CCSER2: variants seen among roughly 807,000 people sequenced by gnomAD.
CCSER2 encodes coiled-coil serine rich protein 2, also known as serine-rich coiled-coil domain-containing protein 2.
In CCSER2, 46 loss-of-function variants were observed where a neutral mutation model predicts 92.3. That is an observed-to-expected ratio of 0.50 (90% CI 0.39 to 0.64). CCSER2 has a LOEUF of 0.64. CCSER2 is among the 30% of genes least tolerant of loss of function. The pLI is 0.00. For synonymous variants in CCSER2, 433 were observed against 431.4 expected, an observed-to-expected ratio of 1.00 and a Z score of -0.04; for missense variants, 1,244 against 1,238.9, an observed-to-expected ratio of 1.00 and a Z score of -0.06.
chr10:84,335,504 A>G lies in CCSER2; in HGVS notation c.-40+6696A>G, dbSNP rs950484886. On this transcript the variant is annotated intron_variant, in intron 1 of 9. Coordinates refer to ENST00000372088, the MANE Select transcript of CCSER2 (RefSeq NM_001284240.2). ...AATGACCCTCCTGCTTTTACCTCCC[A>G]AAGTGCTGGGATTACAGGTGTGAGC... Among the ~76,000 whole-genome samples, 11 of 152,018 alleles carry G rather than the reference A, an allele frequency of 7.2e-5. No homozygotes were observed. The South Asian group carries it at 1.2e-3, about 17-fold the overall frequency.
In CCSER2 at chr10:84,499,707, T is replaced by A. The variant is rs926197891; in HGVS notation, c.2326-13742T>A. Among the ~76,000 whole-genome samples the A allele has an allele frequency of 2.0e-5, 3 of 152,234 alleles. No individual in the cohort carries two copies. The East Asian group carries it at 5.8e-4, about 29-fold the overall frequency. On this transcript the variant is annotated intron_variant, in intron 9 of 9. Transcript: ENST00000372088. ...AAAAATAACTAGGTTTGGATTATGATGTATTTTTAGTAATTTGAGCTGCCT... is the reference window on the plus strand; with the variant it reads ...AAAAATAACTAGGTTTGGATTATGAAGTATTTTTAGTAATTTGAGCTGCCT...
At chr10:84,393,467 T>G (rs1369584834) in intron 3 of CCSER2, among the ~76,000 whole-genome samples, 1 of 152,138 alleles carries the variant, frequency 6.6e-6, no homozygotes, top group Admixed American at 6.5e-5. Flanking sequence ...TTCTAAGCTT[T>G]CTTTTTTTTT....
intron 8 of CCSER2, among the ~76,000 whole-genome samples, chr10:84,471,471 A>G (rs927515741): frequency 6.6e-6 from 1 of 152,148 alleles, no homozygotes; most frequent in African/African-American, 2.4e-5. Flanking sequence ...ATTACAGAGC[A>G]CAAGATATTG....
intron 9 of CCSER2, among the ~76,000 whole-genome samples, chr10:84,508,165 A>G (rs1284812148): frequency 1.3e-5 from 2 of 152,222 alleles, no homozygotes; most frequent in Admixed American, 1.3e-4. Flanking sequence ...TGAACACGTT[A>G]ACATTTTTTA....
At chr10:84,356,926 A>G (rs1845204104) in intron 1 of CCSER2, among the ~76,000 whole-genome samples, 1 of 152,224 alleles carries the variant, frequency 6.6e-6, no homozygotes, top group Non-Finnish European at 1.5e-5. Context: ...TTAGTAAAAT[A>G]CCTAGCAAGA....
chr10:84,372,220 C>A lies in CCSER2; in HGVS notation c.1168C>A (p.Leu390Met). 6.2e-7 allele frequency: 1 copy of A among 1,613,384 alleles called. No individual in the cohort carries two copies. Among genetic ancestry groups the A allele is most frequent in the South Asian group, 1.1e-5 (1 of 91,038 alleles). The change falls in exon 2 of 10, where the codon CTG becomes ATG. Residue 390 changes from leucine to methionine, a missense_variant. Coordinates refer to ENST00000372088, the MANE Select transcript of CCSER2 (RefSeq NM_001284240.2). ...TMKHDAKMRY[L>M]SDDVDDISLS... ...GAAACATGATGCTAAAATGAGATAC[C>A]TGAGTGATGATGTGGATGACATTTC...
At chr10:84,444,982 C>G (rs1348760147) in intron 6 of CCSER2, among the ~76,000 whole-genome samples, 1 of 152,126 alleles carries the variant, frequency 6.6e-6, no homozygotes, top group African/African-American at 2.4e-5. Flanking sequence ...CAAGATCACC[C>G]AGTTGCATAT....
At chr10:84,330,271 A>C (rs1456371231) in intron 1 of CCSER2, among the ~76,000 whole-genome samples, 1 of 152,180 alleles carries the variant, frequency 6.6e-6, no homozygotes, top group Non-Finnish European at 1.5e-5. Context: ...TGCCCTCTCT[A>C]TATAAGACTG....
chr10:84,343,662 A>G (rs1244624507), intron 1 of CCSER2, among the ~76,000 whole-genome samples: 2 of 152,202 alleles, frequency 1.3e-5, no homozygotes, highest in Non-Finnish European at 2.9e-5. Flanking sequence ...TTTACAAAAA[A>G]TTTACTTAAG....
intron 6 of CCSER2, among the ~76,000 whole-genome samples, chr10:84,449,872 A>G (rs1054827241): frequency 1.3e-5 from 2 of 152,160 alleles, no homozygotes; most frequent in African/African-American, 4.8e-5. Flanking sequence ...CAAACAAAAA[A>G]CACATTAAAT....
At chr10:84,373,478 G>A (rs1359475463) in intron 2 of CCSER2, 141 bp from the exon 3 acceptor site, 2 of 605,912 alleles carry the variant, frequency 3.3e-6, no homozygotes, top group Non-Finnish European at 5.7e-6. Flanking sequence ...TATTGCTTAG[G>A]ATATAGAAAA....
At chr10:84,488,541 G>A (rs2131786929) in intron 9 of CCSER2, among the ~76,000 whole-genome samples, 1 of 152,258 alleles carries the variant, frequency 6.6e-6, no homozygotes, top group Non-Finnish European at 1.5e-5. Flanking sequence ...GGTGTTTATG[G>A]TATTCTCTGA....
chr10:84,415,713 T>C (rs899449227), intron 3 of CCSER2, among the ~76,000 whole-genome samples: 4 of 152,214 alleles, frequency 2.6e-5, no homozygotes, highest in African/African-American at 9.6e-5. Flanking sequence ...GGGGACACTT[T>C]CTTGTTCGGA....
At chr10:84,476,544 T>C (rs574306834) in intron 8 of CCSER2, among the ~76,000 whole-genome samples, 1 of 146,776 alleles carries the variant, frequency 6.8e-6, no homozygotes, top group East Asian at 2.1e-4. Flanking sequence ...TCCGGGTTCA[T>C]GCCATTCTCC....
At chr10:84,414,157 GTAT>G (rs1393859956) in intron 3 of CCSER2, among the ~76,000 whole-genome samples, 3 of 152,126 alleles carry the variant, frequency 2.0e-5, no homozygotes, top group East Asian at 1.9e-4. Context: ...TTTAAGGTTA[GTAT>G]TATTGTATGT....
At chr10:84,482,070 A>G (rs1589779591) in intron 9 of CCSER2, among the ~76,000 whole-genome samples, 1 of 152,176 alleles carries the variant, frequency 6.6e-6, no homozygotes, top group Non-Finnish European at 1.5e-5. Context: ...ACTTACATGG[A>G]TATGGAAAGC....
At chr10:84,505,226 A>G (rs542609998) in intron 9 of CCSER2, among the ~76,000 whole-genome samples, 1 of 152,068 alleles carries the variant, frequency 6.6e-6, no homozygotes, top group East Asian at 1.9e-4. Context: ...TTCTAAATTA[A>G]TTTTTTTCTA....
intron 3 of CCSER2, chr10:84,392,120 AGGGAAAATACTAC>A: frequency 1.5e-6 from 1 of 682,022 alleles, no homozygotes; most frequent in Non-Finnish European, 2.6e-6. Flanking sequence ...CTCTGCACCC[AGGGAAAATACTAC>A]CCTTTACGGG....
At chr10:84,344,821 C>T (rs992126321) in intron 1 of CCSER2, among the ~76,000 whole-genome samples, 10 of 152,098 alleles carry the variant, frequency 6.6e-5, no homozygotes, top group African/African-American at 9.7e-5. Context: ...ATACCAAAGC[C>T]GCAATTCGAA....
Sources: allele counts gnomAD v4.1 joint callset (sites outside exome capture counted in the v4.1 genomes callset), GRCh38; gene constraint gnomAD v4.1.1; transcripts MANE v1.5; gene names NCBI Gene and HGNC (gene_info 2026-07-23, HGNC 2026-07-21).